ABCB1: variants seen among roughly 807,000 people sequenced by gnomAD.
ABCB1 encodes the protein ATP binding cassette subfamily B member 1.
In ABCB1, 69 loss-of-function variants were observed where a neutral mutation model predicts 142.0. The observed-to-expected ratio is 0.49, with a 90% CI of 0.40 to 0.59. ABCB1 has a LOEUF of 0.59. ABCB1 is among the 20% of genes least tolerant of loss of function. ABCB1 has a pLI of 0.00. For synonymous variants in ABCB1, 532 were observed against 539.2 expected (o/e 0.99, Z 0.18); for missense variants, 1,326 against 1,554.7 (o/e 0.85, Z 2.47).
Position 87,600,539 on chromosome 7 carries a change from C to T in ABCB1, c.-7+216G>A, listed in dbSNP as rs543198381. Among the ~76,000 whole-genome samples, 4 of 152,340 alleles carry T rather than the reference C, an allele frequency of 2.6e-5. No homozygotes were observed. In the East Asian group the frequency reaches 5.8e-4, roughly 22 times the overall value. On this transcript the variant is annotated intron_variant, in intron 1 of 27. Transcript: ENST00000622132. ...CGCACCGCGCGGGCTGTGCGCGCTC[C>T]GGGCAACATGGTCCAGTGCCACTAC...
intron 1 of ABCB1, among the ~76,000 whole-genome samples, chr7:87,666,847 G>A (rs1278625548): frequency 6.6e-6 from 1 of 151,948 alleles, no homozygotes; most frequent in Non-Finnish European, 1.5e-5. Context: ...ATTGGTCTAT[G>A]TGCCTGTTTT....
intron 14 of ABCB1, among the ~76,000 whole-genome samples, chr7:87,548,292 CAGGAA>C (rs1382580373): frequency 1.7e-5 from 2 of 117,848 alleles, no homozygotes; most frequent in Non-Finnish European, 3.4e-5. Context: ...AAGGGAAGGT[CAGGAA>C]AGGAAAGGAA....
intron 1 of ABCB1, among the ~76,000 whole-genome samples, chr7:87,638,844 C>A (rs1822115351): frequency 6.6e-6 from 1 of 151,996 alleles, no homozygotes; most frequent in Admixed American, 6.6e-5. Context: ...TCTGTCGACT[C>A]CTCAGTTTAT....
Position 87,637,779 on chromosome 7 carries a change from C to T in ABCB1, c.-330-36701G>A, listed in dbSNP as rs367591623. 8.7e-4 allele frequency among the ~76,000 whole-genome samples: 132 copies of T among 151,908 alleles called. 1 individual carries two copies. In the South Asian group the frequency reaches 0.026, roughly 30 times the overall value. ...CTGGTCTTATATCTAACAGTCTTAC[C>T]AGATTTCTTTATTAATTCTAACAGA... On this transcript the variant is annotated intron_variant, in intron 1 of 28. Coordinates refer to the ABCB1 transcript ENST00000265724.
intron 1 of ABCB1, among the ~76,000 whole-genome samples, chr7:87,657,495 G>C (rs1181148541): frequency 6.6e-6 from 1 of 152,174 alleles, no homozygotes; most frequent in African/African-American, 2.4e-5. Flanking sequence ...CAGTGTCCCA[G>C]TACCACCATT....
At chr7:87,650,346 C>T (rs746026139) in intron 1 of ABCB1, among the ~76,000 whole-genome samples, 1 of 152,016 alleles carries the variant, frequency 6.6e-6, no homozygotes, top group Non-Finnish European at 1.5e-5. Context: ...CACAGTTCTG[C>T]AGGCTGGGAA....
intron 25 of ABCB1, 140 bp downstream of exon 25, chr7:87,515,091 T>C (rs1342106148): frequency 2.7e-6 from 3 of 1,124,844 alleles, no homozygotes; most frequent in South Asian, 1.4e-5. Flanking sequence ...TTGGAGACCA[T>C]ATTTAGGCTC....
chr7:87,585,767 C>A (rs954839631), intron 3 of ABCB1, 87 bp from the exon 4 acceptor site: 6 of 1,454,124 alleles, frequency 4.1e-6, no homozygotes, highest in Non-Finnish European at 5.6e-6. Context: ...TATCCAAAAT[C>A]CAAACATTTT....
chr7:87,567,051 T>G (rs1395765659), intron 5 of ABCB1, 75 bp from the exon 6 acceptor site: 6 of 1,405,762 alleles, frequency 4.3e-6, no homozygotes, highest in Non-Finnish European at 5.0e-6. Context: ...GACCACTCAT[T>G]CCTATTTTTT....
At chr7:87,661,152 A>G (rs1365884159) in intron 1 of ABCB1, among the ~76,000 whole-genome samples, 1 of 151,986 alleles carries the variant, frequency 6.6e-6, no homozygotes, top group East Asian at 1.9e-4. Flanking sequence ...TAGTAGGTGT[A>G]TATATTATGG....
At chr7:87,606,805 T>C (rs1227299057) in intron 1 of ABCB1, among the ~76,000 whole-genome samples, 1 of 152,092 alleles carries the variant, frequency 6.6e-6, no homozygotes, top group Non-Finnish European at 1.5e-5. Context: ...ATTTCCTATA[T>C]TAAAAGTGTA....
Position 87,566,943 on chromosome 7 carries a change from C to A in ABCB1, c.372G>T (p.Gly124=). The A allele has an allele frequency of 6.2e-7, 1 of 1,614,128 alleles. No homozygotes were observed. Among genetic ancestry groups the A allele is most frequent in the Non-Finnish European group, 8.5e-7 (1 of 1,180,010 alleles). ...CCTGAATGTAAGCAGCAACCAGCAC[C>A]CCAGCACCAATTCCACTGTAATAAT... ...YAYYYSGIGA[G]VLVAAYIQVS... Residue 124 remains glycine (G), a synonymous_variant, in exon 6 of 28, where the codon GGG becomes GGT. Coordinates refer to ENST00000622132, the MANE Select transcript of ABCB1 (RefSeq NM_001348946.2).
At chr7:87,709,925 C>G (rs1215011216) in intron 1 of ABCB1, among the ~76,000 whole-genome samples, 6 of 152,100 alleles carry the variant, frequency 3.9e-5, no homozygotes, top group African/African-American at 1.4e-4. Flanking sequence ...TAAGAATTGT[C>G]TGTTTCTGTG....
At chr7:87,559,547 T>G (rs956246564) in intron 8 of ABCB1, among the ~76,000 whole-genome samples, 4 of 152,174 alleles carry the variant, frequency 2.6e-5, no homozygotes, top group African/African-American at 9.6e-5. Context: ...ATTAAATTAA[T>G]TTTTGCTCTT....
chr7:87,687,189 T>TC (rs1192596057), intron 1 of ABCB1, among the ~76,000 whole-genome samples: 1 of 152,156 alleles, frequency 6.6e-6, no homozygotes, highest in Non-Finnish European at 1.5e-5. Flanking sequence ...AGCTAGTTTT[T>TC]CCCCCACAAC....
chr7:87,588,591 A>G (rs1277613653), intron 3 of ABCB1, among the ~76,000 whole-genome samples: 1 of 152,212 alleles, frequency 6.6e-6, no homozygotes, highest in African/African-American at 2.4e-5. Flanking sequence ...ATTGATGGCC[A>G]TTTAGGTTGA....
At chr7:87,703,774 A>G (rs1829296229) in intron 1 of ABCB1, among the ~76,000 whole-genome samples, 1 of 151,388 alleles carries the variant, frequency 6.6e-6, no homozygotes, top group Non-Finnish European at 1.5e-5. Flanking sequence ...GTTTCCTCAA[A>G]CTACTGAATT....
intron 21 of ABCB1, among the ~76,000 whole-genome samples, chr7:87,523,914 A>C (rs1197335393): frequency 6.6e-6 from 1 of 152,212 alleles, no homozygotes. Flanking sequence ...CAGAATTATA[A>C]GTCACCAAGA....
chr7:87,553,556 G>A (rs1383123829), intron 9 of ABCB1, among the ~76,000 whole-genome samples: 1 of 151,978 alleles, frequency 6.6e-6, no homozygotes, highest in Non-Finnish European at 1.5e-5. Flanking sequence ...TCCTGACCTC[G>A]TGATCTGCCT....
Sources: gnomAD v4.1 joint callset for allele counts (sites outside exome capture counted in the v4.1 genomes callset) on GRCh38, gnomAD v4.1.1 for gene constraint, MANE v1.5 for transcripts, NCBI Gene and HGNC (gene_info 2026-07-23, HGNC 2026-07-21) for gene names.